The following PATJ variants were observed in gnomAD, a reference collection of about 807,000 sequenced individuals.
PATJ encodes inaD-like protein.
A neutral mutation model predicts 224.9 loss-of-function variants in PATJ; 190 were observed. The observed-to-expected ratio is 0.84, with a 90% CI of 0.75 to 0.95. PATJ has a LOEUF of 0.95. PATJ is among the 40% of genes least tolerant of loss of function. PATJ has a pLI of 0.00. For synonymous variants in PATJ, 769 were observed against 820.3 expected (o/e 0.94, Z 1.07); for missense variants, 2,121 against 2,270.3 (o/e 0.93, Z 1.34).
Position 62,129,002 on chromosome 1 carries a change from A to C in PATJ, c.5271+57A>C, listed in dbSNP as rs183148197. ...AAGGCAGATAAGTGGCATGCAAAAA[A>C]GATTGAGCGTCACTGGCAGTAGACA... On this transcript the variant is annotated intron_variant, in intron 41 of 43. Transcript: ENST00000642238. The C allele has an allele frequency of 6.6e-4, 799 of 1,206,004 alleles. 3 individuals carry two copies. In the African/African-American group the frequency reaches 0.011, roughly 16 times the overall value. The allele number at this position is 1,206,004 out of a possible 1,614,324, so 74.7% of individuals were successfully genotyped here.
intron 17 of PATJ, among the ~76,000 whole-genome samples, chr1:61,840,770 A>T (rs1384406779): frequency 1.3e-5 from 2 of 152,212 alleles, no homozygotes; most frequent in South Asian, 2.1e-4. Flanking sequence ...TAGGTAGGTG[A>T]TAAATTCCTA....
intron 27 of PATJ, among the ~76,000 whole-genome samples, chr1:61,978,196 T>TCTTCCTTC (rs142507580): frequency 2.8e-4 from 39 of 137,980 alleles, no homozygotes; most frequent in African/African-American, 1.1e-3. Context: ...CATCTTCATA[T>TCTTCCTTC]CTTCCTTCCT....
intron 27 of PATJ, among the ~76,000 whole-genome samples, chr1:61,946,761 C>G (rs920643509): frequency 5.9e-5 from 9 of 151,922 alleles, no homozygotes; most frequent in Non-Finnish European, 1.3e-4. Context: ...AGAGACACAA[C>G]AAAAAAAGAG....
At chr1:62,076,054 G>A (rs1382180215) in intron 31 of PATJ, among the ~76,000 whole-genome samples, 1 of 151,930 alleles carries the variant, frequency 6.6e-6, no homozygotes, top group South Asian at 2.1e-4. Flanking sequence ...AAAAAATCAC[G>A]AATGCTAGGA....
At chr1:61,795,669 TA>T (rs1650942002) in intron 10 of PATJ, 111 bp downstream of exon 10, 1 of 570,890 alleles carries the variant, frequency 1.8e-6, no homozygotes. Flanking sequence ...TAAGGTTTTT[TA>T]AAAAATTAAG....
At chr1:61,887,749 A>T (rs1198391496) in intron 22 of PATJ, among the ~76,000 whole-genome samples, 1 of 152,164 alleles carries the variant, frequency 6.6e-6, no homozygotes, top group Non-Finnish European at 1.5e-5. Flanking sequence ...GTGACAAAGG[A>T]AGCACATTTG....
At chr1:62,066,346 T>C (rs1656414805) in intron 31 of PATJ, among the ~76,000 whole-genome samples, 1 of 152,100 alleles carries the variant, frequency 6.6e-6, no homozygotes, top group African/African-American at 2.4e-5. Flanking sequence ...TTATTAAGGT[T>C]AATAAGTATT....
chr1:61,989,914 A>G (rs761075989), intron 27 of PATJ, among the ~76,000 whole-genome samples: 2 of 152,110 alleles, frequency 1.3e-5, no homozygotes, highest in African/African-American at 4.8e-5. Context: ...GCCACATACT[A>G]TAGTTCCAGC....
chr1:61,825,366 G>C (rs1658057165), intron 15 of PATJ, among the ~76,000 whole-genome samples: 1 of 152,120 alleles, frequency 6.6e-6, no homozygotes. Context: ...ACAGCACTTA[G>C]GAGGGTCACA....
chr1:61,796,077 T>C (rs1485902743), intron 10 of PATJ, among the ~76,000 whole-genome samples: 1 of 152,228 alleles, frequency 6.6e-6, no homozygotes, highest in Non-Finnish European at 1.5e-5. Flanking sequence ...ACGCTTATAT[T>C]AATGTCTATA....
At chr1:62,146,295 A>C (rs1349191429) in intron 41 of PATJ, among the ~76,000 whole-genome samples, 2 of 152,186 alleles carry the variant, frequency 1.3e-5, no homozygotes, top group Non-Finnish European at 2.9e-5. Context: ...ACATCACTGC[A>C]GATGACCCTA....
chr1:61,932,064 T>C (rs929228796), intron 27 of PATJ, among the ~76,000 whole-genome samples: 4 of 152,120 alleles, frequency 2.6e-5, no homozygotes, highest in African/African-American at 9.7e-5. Flanking sequence ...CAACCTGCAT[T>C]ATGAAAAACA....
chr1:62,148,438 C>A, intron 42 of PATJ, 48 bp downstream of exon 42: 1 of 1,388,086 alleles, frequency 7.2e-7, no homozygotes, highest in South Asian at 1.2e-5. Context: ...GGGCAAAGCT[C>A]GGAAGAACTT....
At chr1:61,900,881 GC>G (rs1211731316) in intron 23 of PATJ, among the ~76,000 whole-genome samples, 1 of 152,148 alleles carries the variant, frequency 6.6e-6, no homozygotes, top group Non-Finnish European at 1.5e-5. Context: ...GAGCCACCGC[GC>G]CAAGCCATAT....
chr1:62,039,164 G>T (rs901610425), intron 30 of PATJ: 15 of 579,546 alleles, frequency 2.6e-5, no homozygotes, highest in South Asian at 1.8e-4. Context: ...TCCTACCTTT[G>T]TTAATTGTCT....
chr1:62,160,843 T>C (rs1331440952), intron 43 of PATJ, 65 bp from the exon 44 acceptor site: 3 of 1,555,524 alleles, frequency 1.9e-6, no homozygotes, highest in Non-Finnish European at 2.6e-6. Context: ...GTTAGAGGTT[T>C]TAATATCAAT....
chr1:61,793,620 G>A (rs1650358945), intron 9 of PATJ, among the ~76,000 whole-genome samples: 2 of 151,502 alleles, frequency 1.3e-5, no homozygotes, highest in South Asian at 2.1e-4. Flanking sequence ...TCGGGAGGCT[G>A]AGGTGGGATC....
chr1:61,770,529 A>T (rs1247943825), intron 5 of PATJ, among the ~76,000 whole-genome samples: 1 of 152,162 alleles, frequency 6.6e-6, no homozygotes, highest in Admixed American at 6.6e-5. Flanking sequence ...ATAGTACCTG[A>T]CTCATGATAA....
At chr1:61,761,001 T>TG (rs1645938313) in intron 1 of PATJ, among the ~76,000 whole-genome samples, 1 of 150,256 alleles carries the variant, frequency 6.7e-6, no homozygotes, top group Non-Finnish European at 1.5e-5. Flanking sequence ...TTTGTTGAGA[T>TG]GGGGTCTCCC....
Sources: allele counts gnomAD v4.1 joint callset (sites outside exome capture counted in the v4.1 genomes callset), GRCh38; gene constraint gnomAD v4.1.1; transcripts MANE v1.5; gene names NCBI Gene and HGNC (gene_info 2026-07-23, HGNC 2026-07-21).